The following ACSM2B variants were observed in gnomAD, a reference collection of about 807,000 sequenced individuals.
The protein encoded by ACSM2B is acyl-coenzyme A synthetase ACSM2B, mitochondrial.
Under a neutral mutation model 78.6 loss-of-function variants are expected in ACSM2B, and 58 were observed. That is an observed-to-expected ratio of 0.74 (90% confidence interval 0.60 to 0.92). ACSM2B has a LOEUF of 0.92. ACSM2B is among the 40% of genes least tolerant of loss of function. ACSM2B has a pLI of 0.00. For missense variants in ACSM2B, 688 were observed against 711.2 expected, an observed-to-expected ratio of 0.97 and a Z score of 0.37; for synonymous variants, 257 against 256.8, an observed-to-expected ratio of 1.00 and a Z score of -0.01.
intron 12 of ACSM2B, among the ~76,000 whole-genome samples, chr16:20,541,517 C>T (rs1191820231): frequency 2.6e-5 from 4 of 152,026 alleles, no homozygotes; most frequent in Admixed American, 6.5e-5. Context: ...GCTCAAATCC[C>T]TCCTCTGTGC....
chr16:20,574,518 G>T (rs2016190985), intron 1 of ACSM2B: 1 of 151,906 alleles, frequency 6.6e-6, no homozygotes, highest in African/African-American at 2.4e-5. Flanking sequence ...AGAGATTGCA[G>T]TAAAGACAGG....
At chr16:20,538,049 A>T (rs1236046231) in intron 13 of ACSM2B, among the ~76,000 whole-genome samples, 3 of 152,192 alleles carry the variant, frequency 2.0e-5, no homozygotes, top group Non-Finnish European at 4.4e-5. Context: ...TATGGATGAT[A>T]AAGACGCCTC....
intron 3 of ACSM2B, among the ~76,000 whole-genome samples, chr16:20,556,891 T>A (rs1296680566): frequency 3.3e-5 from 5 of 152,174 alleles, no homozygotes; most frequent in Admixed American, 3.3e-4. Context: ...GCTTGTTCTC[T>A]CTTTCCACAG....
At position 20,554,349 on chromosome 16, in the gene ACSM2B, A is replaced by G. The variant is rs530733275; in HGVS notation, c.597-429T>C. On this transcript the variant is annotated intron_variant, in intron 4 of 13. Coordinates refer to ENST00000329697, the MANE Select transcript of ACSM2B (RefSeq NM_001105069.2). ...GGGGTGGAATTAATACGAGTTTTCC[A>G]AGTACTTTCTTGGCACTCTCTTCTA... is the stretch of plus-strand genomic sequence containing the variant. Among the ~76,000 whole-genome samples, 209 of 152,274 alleles carry G rather than the reference A, an allele frequency of 1.4e-3. 1 individual carries two copies. Among genetic ancestry groups the G allele is most frequent in the South Asian group, 3.9e-3 (19 of 4,826 alleles).
Position 20,552,213 on chromosome 16 carries a change from T to C in ACSM2B, c.825A>G (p.Glu275=), listed in dbSNP as rs146319662. The C allele has an allele frequency of 1.2e-6, 2 of 1,613,808 alleles. No homozygotes were observed. Among genetic ancestry groups the C allele is most frequent in the Non-Finnish European group, 1.7e-6 (2 of 1,179,860 alleles). ...WILNILGSLL[E]SWTLGACTFV... ...ATGTGCATGCTCCTAATGTCCAAGA[T>C]TCCAAAAGTGAGCCCAAGATGTTCA... Residue 275 remains glutamate (E), a synonymous_variant, in exon 6 of 14, where the codon GAA becomes GAG. Coordinates refer to ENST00000329697, the MANE Select transcript of ACSM2B (RefSeq NM_001105069.2).
intron 1 of ACSM2B, chr16:20,575,379 C>A (rs897958531): frequency 6.6e-6 from 1 of 151,186 alleles, no homozygotes; most frequent in African/African-American, 2.4e-5. Flanking sequence ...TATATATATA[C>A]ACAACTGTAT....
At chr16:20,566,725 C>CTATATATACTGTATATACAG (rs1567218549) in intron 1 of ACSM2B, among the ~76,000 whole-genome samples, 1 of 22,210 alleles carries the variant, frequency 4.5e-5, no homozygotes, top group East Asian at 3.6e-3. Flanking sequence ...ATAGTATATA[C>CTATATATACTGTATATACAG]TATATATAGT....
chr16:20,553,635 A>G, intron 5 of ACSM2B, 142 bp downstream of exon 5: 1 of 1,334,972 alleles, frequency 7.5e-7, no homozygotes, highest in Non-Finnish European at 1.0e-6. Flanking sequence ...ATGTGAAGCC[A>G]TGTCCTCTTT....
chr16:20,574,758 T>C (rs1418499144), intron 1 of ACSM2B: 1 of 150,324 alleles, frequency 6.7e-6, no homozygotes, highest in Non-Finnish European at 1.5e-5. Flanking sequence ...GATAAGAGCT[T>C]ATGTCTATTT....
At chr16:20,566,811 T>G (rs1213170020) in intron 1 of ACSM2B, among the ~76,000 whole-genome samples, 1 of 110,548 alleles carries the variant, frequency 9.0e-6, no homozygotes, top group Admixed American at 1.3e-4. Flanking sequence ...ATATAATTTT[T>G]ATACATTTTT....
At chr16:20,568,121 A>G (rs1439018464) in intron 1 of ACSM2B, among the ~76,000 whole-genome samples, 12 of 143,492 alleles carry the variant, frequency 8.4e-5, no homozygotes, top group Non-Finnish European at 1.7e-4. Flanking sequence ...TACATATTAT[A>G]TATATGTTAT....
At chr16:20,566,664 ATATAG>A (rs1287437561) in intron 1 of ACSM2B, among the ~76,000 whole-genome samples, 3 of 43,396 alleles carry the variant, frequency 6.9e-5, no homozygotes, top group South Asian at 1.1e-3. Context: ...ATATATGTAT[ATATAG>A]TATATACATA....
intron 2 of ACSM2B, among the ~76,000 whole-genome samples, chr16:20,562,325 T>C (rs11641353): frequency 0.18 from 27,758 of 152,014 alleles, 3,575 homozygotes; most frequent in East Asian, 0.69. Flanking sequence ...TCCTCAGGGG[T>C]TCTCAGATCA....
chr16:20,549,500 A>G (rs1224288745), intron 6 of ACSM2B: 1 of 182,272 alleles, frequency 5.5e-6, no homozygotes, highest in African/African-American at 2.4e-5. Flanking sequence ...AACATGATAA[A>G]CTGTTAATCC....
Position 20,553,805 on chromosome 16 carries a change from G to C in ACSM2B, c.712C>G (p.Leu238Val). 6.2e-7 allele frequency: 1 copy of C among 1,611,744 alleles called. No individual in the cohort carries two copies. Among genetic ancestry groups the C allele is most frequent in the Non-Finnish European group, 8.5e-7 (1 of 1,178,258 alleles). The change falls in exon 5 of 14, where the codon CTG becomes GTG. Residue 238 changes from leucine to valine, a missense_variant. Coordinates refer to ENST00000329697, the MANE Select transcript of ACSM2B (RefSeq NM_001105069.2). ...PKMAEHSYSS[L>V]GLKAKMDAGW... ...GCATCCATCTTGGCCTTGAGGCCCA[G>C]GCTCGAGTAGGAATGTTCTGCCATC... is the stretch of plus-strand genomic sequence containing the variant.
At position 20,542,683 on chromosome 16, in the gene ACSM2B, C is replaced by T. The variant is rs9929847; in HGVS notation, c.1509+231G>A. On this transcript the variant is annotated intron_variant, in intron 12 of 13. Transcript: ENST00000329697. ...TTTGAGAAATCACCATACTTAAGTA[C>T]TTTACAAATATTAGCACATTTAACC... is the stretch of plus-strand genomic sequence containing the variant. 3.7e-3 allele frequency: 2,071 copies of T among 562,390 alleles called. 48 individuals carry two copies. Among genetic ancestry groups the T allele is most frequent in the African/African-American group, 0.036 (1,915 of 53,214 alleles). 34.8% of individuals were successfully genotyped at this position (562,390 alleles called of 1,614,324 possible).
chr16:20,566,676 CATATAGTATATACTATATATAGTA>C (rs2015869417), intron 1 of ACSM2B, among the ~76,000 whole-genome samples: 2 of 5,602 alleles, frequency 3.6e-4, no homozygotes, highest in African/African-American at 9.7e-4. Context: ...ATAGTATATA[CATATAGTATATACTATATATAGTA>C]TATATATAGT....
Position 20,540,785 on chromosome 16 carries a change from A to G in ACSM2B, c.1510-12T>C. On this transcript the variant is annotated splice_polypyrimidine_tract_variant and intron_variant, in intron 12 of 13. Transcript: ENST00000329697. ...AATGCCTTCACCACCTGCAAAATAGATGAAGGCCAAGAGATAAGGGATTAG... is the reference window on the plus strand; with the variant it reads ...AATGCCTTCACCACCTGCAAAATAGGTGAAGGCCAAGAGATAAGGGATTAG... 6.2e-7 allele frequency: 1 copy of G among 1,613,186 alleles called. No homozygotes were observed. Among genetic ancestry groups the G allele is most frequent in the South Asian group, 1.1e-5 (1 of 91,054 alleles).
chr16:20,538,182 A>G (rs1003148810), intron 13 of ACSM2B, among the ~76,000 whole-genome samples: 4 of 152,150 alleles, frequency 2.6e-5, no homozygotes, highest in African/African-American at 9.7e-5. Flanking sequence ...ACTGAGATGG[A>G]GAAAGTATCT....
Sources: gnomAD v4.1 joint callset for allele counts (sites outside exome capture counted in the v4.1 genomes callset) on GRCh38, gnomAD v4.1.1 for gene constraint, MANE v1.5 for transcripts, NCBI Gene and HGNC (gene_info 2026-07-23, HGNC 2026-07-21) for gene names.